Variants in IGFN1 observed in about 807,000 individuals in gnomAD.
IGFN1 encodes immunoglobulin-like and fibronectin type III domain-containing protein 1.
Under a neutral mutation model 289.5 loss-of-function variants are expected in IGFN1, and 253 were observed. That is an observed-to-expected ratio of 0.87 (90% CI 0.79 to 0.97). The LOEUF (loss-of-function observed/expected upper bound fraction) is 0.97. IGFN1 is among the 50% of genes least tolerant of loss of function. The pLI is 0.00. For missense variants in IGFN1, 4,470 were observed against 4,686.1 expected (o/e 0.95, Z 1.35); for synonymous variants, 1,706 against 1,788.5 (o/e 0.95, Z 1.16).
Position 201,211,232 on chromosome 1 carries a change from T to C in IGFN1, c.6339T>C (p.Pro2113=). The change falls in exon 12 of 24, where the codon CCT becomes CCC. Residue 2113 remains proline, a synonymous_variant. Coordinates refer to ENST00000335211, the MANE Select transcript of IGFN1 (RefSeq NM_001164586.2). ...EAGYRKDLGA[P]EGIGSGSKAG... is the part of the protein sequence containing the mutation. ...GTTATAGGAAGGATTTGGGGGCTCC[T>C]GAGGGAATAGGTTCAGGAAGTAAGG... is the stretch of plus-strand genomic sequence containing the variant. The C allele has an allele frequency of 6.5e-7, 1 of 1,532,058 alleles. No homozygotes were observed. Among genetic ancestry groups the C allele is most frequent in the East Asian group, 2.5e-5 (1 of 40,594 alleles). 94.9% of individuals were successfully genotyped at this position (1,532,058 alleles called of 1,614,324 possible).
chr1:201,226,806 CTT>C, intron 22 of IGFN1, 74 bp from the exon 23 acceptor site: 2 of 1,189,234 alleles, frequency 1.7e-6, no homozygotes, highest in Non-Finnish European at 2.4e-6. Context: ...TTCATGAACT[CTT>C]TACCCAGACC....
Position 201,207,954 on chromosome 1 carries a change from T to A in IGFN1, c.3061T>A (p.Ser1021Thr), listed in dbSNP as rs191827769. ...HGSGAPGGVWSGNEDSGPAGG... is the reference protein window; with the variant it reads ...HGSGAPGGVWTGNEDSGPAGG... ...CTCCGGAGCGCCTGGGGGAGTGTGG[T>A]CTGGAAATGAAGATTCTGGCCCTGC... The change falls in exon 12 of 24, where the codon TCT becomes ACT. Residue 1021 changes from serine to threonine, a missense_variant. By Grantham distance (58) the Ser-to-Thr change is moderately conservative. Coordinates refer to ENST00000335211, the MANE Select transcript of IGFN1 (RefSeq NM_001164586.2). 2.6e-6 allele frequency: 4 copies of A among 1,536,112 alleles called. No homozygotes were observed. In the Admixed American group the frequency reaches 7.9e-5, roughly 30 times the overall value.
rs367996230 is a variant in IGFN1, at chr1:201,197,291, G to C, written c.341G>C (p.Cys114Ser). 26 of 1,551,292 alleles carry C rather than the reference G, an allele frequency of 1.7e-5. No homozygotes were observed. Among genetic ancestry groups the C allele is most frequent in the Non-Finnish European group, 1.9e-5 (22 of 1,146,666 alleles). ...TAVNAYGEAA[C>S]SVRLTVIEVG... ...GTAAATGCGTACGGAGAGGCCGCTT[G>C]CTCAGTGAGACTCACTGTCATCGAA... The change falls in exon 5 of 24, where the codon TGC becomes TCC. Residue 114 changes from cysteine to serine, a missense_variant. Physicochemically the swap from Cys to Ser is moderately radical, Grantham distance 112 (BLOSUM62 -1). Transcript: ENST00000335211.
intron 7 of IGFN1, 61 bp downstream of exon 7, chr1:201,199,715 T>C (rs1485013578): frequency 2.8e-6 from 4 of 1,427,088 alleles, no homozygotes; most frequent in Non-Finnish European, 3.8e-6. Flanking sequence ...CCCCCTGCTA[T>C]TTCCATAAGT....
chr1:201,194,203 G>A lies in IGFN1; in HGVS notation c.57G>A (p.Val19=). The A allele has an allele frequency of 6.4e-7, 1 of 1,551,650 alleles. No individual in the cohort carries two copies. The highest frequency in any genetic ancestry group is 8.7e-7 in the Non-Finnish European group (1 of 1,146,966). The change falls in exon 3 of 24, where the codon GTG becomes GTA. Residue 19 remains valine (V), a synonymous_variant. Coordinates refer to ENST00000335211, the MANE Select transcript of IGFN1 (RefSeq NM_001164586.2). ...HIPGVSIWQL[V]EEIPEGCSTP... ...CTGGAGTGAGCATCTGGCAGCTGGT[G>A]GAGGAGATCCCTGAAGGCTGCAGCA... is the stretch of plus-strand genomic sequence containing the variant.
intron 4 of IGFN1, 145 bp downstream of exon 4, chr1:201,196,123 A>T: frequency 1.2e-6 from 1 of 807,632 alleles, no homozygotes; most frequent in South Asian, 2.2e-5. Flanking sequence ...CTCGTGACTC[A>T]AAGTTGCCTG....
chr1:201,215,625 C>T lies in IGFN1; in HGVS notation c.9082C>T (p.Pro3028Ser), dbSNP rs1213878380. 2 of 1,613,708 alleles carry T rather than the reference C, an allele frequency of 1.2e-6. No homozygotes were observed. The highest frequency in any genetic ancestry group is 1.7e-6 in the Non-Finnish European group (2 of 1,179,908). Reference protein sequence around the residue: ...KAGKPVIVKIPFQSHLPIQAA... With the variant: ...KAGKPVIVKISFQSHLPIQAA... ...TGGGAAGCCGGTGATAGTGAAGATC[C>T]CCTTCCAGAGCCACCTCCCCATTCA... Residue 3028 changes from proline to serine, a missense_variant, in exon 15 of 24, where the codon CCC (proline) becomes TCC (serine). By Grantham distance (74) the Pro-to-Ser change is moderately conservative (BLOSUM62 -1). Around this residue, in one of 8 missense-constraint regions of IGFN1, gnomAD observed 2,218 missense variants for 2,114.1 expected, o/e 1.05. Coordinates refer to ENST00000335211, the MANE Select transcript of IGFN1 (RefSeq NM_001164586.2).
chr1:201,212,323 A>C lies in IGFN1; in HGVS notation c.7430A>C (p.Glu2477Ala). 1 of 1,536,690 alleles carries C rather than the reference A, an allele frequency of 6.5e-7. No homozygotes were observed. The highest frequency in any genetic ancestry group is 8.7e-7 in the Non-Finnish European group (1 of 1,146,776). The change falls in exon 12 of 24, where the codon GAG becomes GCG. Residue 2477 changes from glutamate to alanine, a missense_variant. Physicochemically the swap from Glu to Ala is moderately radical, Grantham distance 107 (BLOSUM62 -1). Transcript: ENST00000335211. Reference protein sequence around the residue: ...LGGYGTSGIPEASEAAGAKGK... With the variant: ...LGGYGTSGIPAASEAAGAKGK... The stretch of plus-strand genomic sequence containing the variant: ...GGCTATGGAACTTCAGGGATCCCTG[A>C]GGCCTCGGAGGCTGCTGGTGCCAAG...
In IGFN1 at chr1:201,228,271, C is replaced by T. The variant is rs564482049; in HGVS notation, c.11114-115C>T. On this transcript the variant is annotated intron_variant, in intron 23 of 23. Transcript: ENST00000335211. ...GTGGCTCCAGATTTGAACCCACACC[C>T]CCTGATGGCAGAGCCTGTAGTCTAA... 387 of 1,072,284 alleles carry T rather than the reference C, an allele frequency of 3.6e-4. No homozygotes were observed. In the African/African-American group the frequency reaches 5.3e-3, roughly 15 times the overall value. The allele number at this position is 1,072,284 out of a possible 1,614,324, so 66.4% of individuals were successfully genotyped here. A position where few individuals can be genotyped will look rare whatever the true frequency, so the allele number is the denominator to read the frequency against.
chr1:201,216,685 T>C lies in IGFN1; in HGVS notation c.9527T>C (p.Val3176Ala). The change falls in exon 16 of 24, where the codon GTG (valine) becomes GCG (alanine). Residue 3176 changes from valine to alanine, a missense_variant. Physicochemically the swap from Val to Ala is moderately conservative, Grantham distance 64. Coordinates refer to ENST00000335211, the MANE Select transcript of IGFN1 (RefSeq NM_001164586.2). Reference sequence around the variant, plus strand: ...CCAGGCAGGAAGTATACCTTCCGAGTGCGGGCTGTGACCTCAGAGGGGGCT... The same window carrying C: ...CCAGGCAGGAAGTATACCTTCCGAGCGCGGGCTGTGACCTCAGAGGGGGCT... ...VEPGRKYTFR[V>A]RAVTSEGAGE... The C allele has an allele frequency of 1.9e-6, 3 of 1,613,618 alleles. No individual in the cohort carries two copies. The highest frequency in any genetic ancestry group is 2.5e-6 in the Non-Finnish European group (3 of 1,179,876).
At chr1:201,216,791 C>T (rs1194371717) in intron 16 of IGFN1, 38 bp downstream of exon 16, 1 of 1,514,730 alleles carries the variant, frequency 6.6e-7, no homozygotes, top group Non-Finnish European at 9.0e-7. Context: ...GGGGGACACT[C>T]CTGGGCTCCC....
rs748591009 is a variant in IGFN1, at chr1:201,212,019, C to T, written c.7126C>T (p.His2376Tyr). 6.5e-7 allele frequency: 1 copy of T among 1,535,984 alleles called. No homozygotes were observed. Among genetic ancestry groups the T allele is most frequent in the Non-Finnish European group, 8.7e-7 (1 of 1,146,656 alleles). Residue 2376 changes from histidine to tyrosine, a missense_variant, in exon 12 of 24, where the codon CAT becomes TAT. This residue lies in a region of IGFN1 where 2,218 missense variants were observed against 2,114.1 expected (regional missense o/e 1.05). Transcript: ENST00000335211. Reference sequence around the variant, plus strand: ...ACCAGGCTCACTGGCTGGAATAGGACATGAGGCTGGACCCAGAGGCCATAA... The same window carrying T: ...ACCAGGCTCACTGGCTGGAATAGGATATGAGGCTGGACCCAGAGGCCATAA... ...GVPGSLAGIGHEAGPRGHKAM... is the reference protein window; with the variant it reads ...GVPGSLAGIGYEAGPRGHKAM...
At chr1:201,195,449 C>G (rs1852009) in intron 3 of IGFN1, among the ~76,000 whole-genome samples, 113,872 of 152,124 alleles carry the variant, frequency 0.75, 43,109 homozygotes, top group Non-Finnish European at 0.8. Flanking sequence ...CCTGCGCCTG[C>G]CCGGAACTCA....
Position 201,206,205 on chromosome 1 carries a change from C to A in IGFN1, c.1312C>A (p.Gln438Lys). Reference sequence around the variant, plus strand: ...GAGCCAGGGAGAGAAATCCAGAGAGCAGGGCCCCAGGGGGGGCTCCCTTGA... The same window carrying A: ...GAGCCAGGGAGAGAAATCCAGAGAGAAGGGCCCCAGGGGGGGCTCCCTTGA... ...IESQGEKSRE[Q>K]GPRGGSLEGA... Residue 438 changes from glutamine to lysine, a missense_variant, in exon 12 of 24, where the codon CAG becomes AAG. Coordinates refer to ENST00000335211, the MANE Select transcript of IGFN1 (RefSeq NM_001164586.2). 1 of 1,549,010 alleles carries A rather than the reference C, an allele frequency of 6.5e-7. No homozygotes were observed. The highest frequency in any genetic ancestry group is 1.2e-5 in the South Asian group (1 of 83,812).
chr1:201,216,156 C>T (rs1653248026), intron 15 of IGFN1: 4 of 614,088 alleles, frequency 6.5e-6, no homozygotes, highest in Non-Finnish European at 1.2e-5. Flanking sequence ...TAGGACTGCT[C>T]TTGGCCGAGC....
At chr1:201,195,161 T>C (rs141395718) in intron 3 of IGFN1, among the ~76,000 whole-genome samples, 14 of 149,234 alleles carry the variant, frequency 9.4e-5, no homozygotes, top group South Asian at 4.2e-4. Flanking sequence ...TTTTTTTTTT[T>C]CTTTTTTTGA....
At position 201,212,691 on chromosome 1, in the gene IGFN1, G is replaced by A. The variant is rs977427776; in HGVS notation, c.7798G>A (p.Asp2600Asn). 42 of 1,548,398 alleles carry A rather than the reference G, an allele frequency of 2.7e-5. No individual in the cohort carries two copies. Among genetic ancestry groups the A allele is most frequent in the Non-Finnish European group, 3.4e-5 (39 of 1,145,274 alleles). ...GSSVGTGQDL[D>N]SGSMPGGRGK... Reference sequence around the variant, plus strand: ...TTCAGTGGGGACAGGTCAGGATCTGGACAGCGGCTCTATGCCTGGGGGAAG... The same window carrying A: ...TTCAGTGGGGACAGGTCAGGATCTGAACAGCGGCTCTATGCCTGGGGGAAG... Residue 2600 changes from aspartate to asparagine, a missense_variant, in exon 12 of 24, where the codon GAC becomes AAC. Asp to Asn is a conservative substitution (Grantham distance 23). This residue lies in a region of IGFN1 where 2,218 missense variants were observed against 2,114.1 expected (regional missense o/e 1.05). Transcript: ENST00000335211.
At position 201,207,489 on chromosome 1, in the gene IGFN1, G is replaced by A. The variant is rs1397710482; in HGVS notation, c.2596G>A (p.Glu866Lys). 7 of 1,533,078 alleles carry A rather than the reference G, an allele frequency of 4.6e-6. No homozygotes were observed. In the East Asian group the frequency reaches 1.5e-4, roughly 32 times the overall value. 95.0% of individuals were successfully genotyped at this position (1,533,078 alleles called of 1,614,324 possible). A position where few individuals can be genotyped will look rare whatever the true frequency, so the allele number is the denominator to read the frequency against. The change falls in exon 12 of 24, where the codon GAG (glutamate) becomes AAG (lysine). Residue 866 changes from glutamate to lysine, a missense_variant. Transcript: ENST00000335211. ...PGVLGPSGGQ[E>K]GMGGIWVAGL... ...AGTGCTGGGGCCCAGTGGAGGACAA[G>A]AGGGTATGGGTGGTATCTGGGTGGC... is the stretch of plus-strand genomic sequence containing the variant.
chr1:201,212,149 G>A lies in IGFN1; in HGVS notation c.7256G>A (p.Gly2419Glu). 6.5e-7 allele frequency: 1 copy of A among 1,536,290 alleles called. No individual in the cohort carries two copies. The highest frequency in any genetic ancestry group is 8.7e-7 in the Non-Finnish European group (1 of 1,146,708). Reference protein sequence around the residue: ...ARETRLVDGAGPGVEPGMAGM... With the variant: ...ARETRLVDGAEPGVEPGMAGM... ...GAAACCAGGCTTGTGGATGGGGCAG[G>A]ACCTGGGGTGGAACCTGGGATGGCT... Residue 2419 changes from glycine (G) to glutamate (E), a missense_variant, in exon 12 of 24, where the codon GGA becomes GAA. Physicochemically the swap from Gly to Glu is moderately conservative, Grantham distance 98. This residue lies in a region of IGFN1 where 2,218 missense variants were observed against 2,114.1 expected (regional missense o/e 1.05). Coordinates refer to ENST00000335211, the MANE Select transcript of IGFN1 (RefSeq NM_001164586.2).
Sources: allele counts gnomAD v4.1 joint callset (sites outside exome capture counted in the v4.1 genomes callset), GRCh38; gene constraint gnomAD v4.1.1; regional missense constraint gnomAD v4.1.1; transcripts MANE v1.5; gene names NCBI Gene and HGNC (gene_info 2026-07-23, HGNC 2026-07-21).